ARHGEF26: variants seen among roughly 807,000 people sequenced by gnomAD.
The protein encoded by ARHGEF26 is Rho guanine nucleotide exchange factor 26.
A neutral mutation model predicts 89.4 loss-of-function variants in ARHGEF26; 59 were observed. The ratio of observed to expected loss-of-function variants is 0.66; its 90% CI spans 0.54 to 0.82. The LOEUF (loss-of-function observed/expected upper bound fraction) is 0.82, where lower values mean the gene tolerates loss of function less well. Ranked by LOEUF, ARHGEF26 falls within the 40% of genes least tolerant of loss-of-function variation. The pLI is 0.00. For missense variants in ARHGEF26, 1,234 were observed against 1,085.6 expected, an observed-to-expected ratio of 1.14 and a Z score of -1.92; for synonymous variants, 500 against 428.4, an observed-to-expected ratio of 1.17 and a Z score of -2.06.
chr3:154,257,137 T>A lies in ARHGEF26; in HGVS notation c.*1664T>A, dbSNP rs960913888. 6 of 810,854 alleles carry A rather than the reference T, an allele frequency of 7.4e-6. No homozygotes were observed. The East Asian group carries it at 1.8e-4, about 24-fold the overall frequency. The allele number at this position is 810,854 out of a possible 1,614,324, so 50.2% of individuals were successfully genotyped here. On this transcript the variant is annotated 3_prime_UTR_variant, in exon 15 of 15. Coordinates refer to ENST00000465093, the MANE Select transcript of ARHGEF26 (RefSeq NM_015595.4). ...GTAAGTGTGCCTGGCTCACACAGCC[T>A]GCACCCTGTCACCTCGGCAATGAGC... is the stretch of plus-strand genomic sequence containing the variant.
chr3:154,137,074 T>A (rs1341541796), intron 4 of ARHGEF26, among the ~76,000 whole-genome samples: 1 of 152,150 alleles, frequency 6.6e-6, no homozygotes, highest in Non-Finnish European at 1.5e-5. Flanking sequence ...GATCCATGGT[T>A]TGGATATTTT....
At chr3:154,121,858 G>A in intron 1 of ARHGEF26, 84 bp from the exon 2 acceptor site, 1 of 1,252,206 alleles carries the variant, frequency 8.0e-7, no homozygotes, top group East Asian at 2.5e-5. Context: ...AGCAGCAGGG[G>A]GACCGCCGGT....
chr3:154,203,847 T>C (rs1444675229), intron 9 of ARHGEF26, among the ~76,000 whole-genome samples: 2 of 151,538 alleles, frequency 1.3e-5, no homozygotes, highest in Admixed American at 6.6e-5. Flanking sequence ...CATGATAATC[T>C]CTCTTTTTTT....
intron 6 of ARHGEF26, among the ~76,000 whole-genome samples, chr3:154,181,540 TC>T (rs1713183957): frequency 1.3e-5 from 2 of 152,158 alleles, no homozygotes; most frequent in Admixed American, 1.3e-4. Context: ...TAACCAGAGC[TC>T]CTTTTTTTCT....
intron 9 of ARHGEF26, among the ~76,000 whole-genome samples, chr3:154,214,638 A>G (rs1321172074): frequency 1.3e-5 from 2 of 152,088 alleles, no homozygotes; most frequent in African/African-American, 4.8e-5. Context: ...TGCCGTGTAG[A>G]TAGTTGGATC....
At chr3:154,187,166 A>C in intron 6 of ARHGEF26, 1 of 953,982 alleles carries the variant, frequency 1.0e-6, no homozygotes, top group Non-Finnish European at 1.2e-6. Flanking sequence ...CTGGGATTAC[A>C]CATGTGAGCC....
chr3:154,143,035 A>G (rs1455684773), intron 4 of ARHGEF26, among the ~76,000 whole-genome samples: 2 of 152,276 alleles, frequency 1.3e-5, no homozygotes, highest in East Asian at 3.9e-4. Context: ...TATTATTGGC[A>G]CCTTTAAACA....
At chr3:154,170,207 C>T (rs1712335909) in intron 6 of ARHGEF26, among the ~76,000 whole-genome samples, 1 of 151,910 alleles carries the variant, frequency 6.6e-6, no homozygotes, top group Admixed American at 6.6e-5. Flanking sequence ...ACAAAAAATA[C>T]AAAAATTAAC....
At chr3:154,132,307 A>C (rs896264742) in intron 4 of ARHGEF26, among the ~76,000 whole-genome samples, 2 of 152,060 alleles carry the variant, frequency 1.3e-5, no homozygotes, top group African/African-American at 4.8e-5. Context: ...TATTTGCTTC[A>C]TTTTCTATTT....
chr3:154,164,697 G>A (rs1254290229), intron 6 of ARHGEF26, among the ~76,000 whole-genome samples: 1 of 152,096 alleles, frequency 6.6e-6, no homozygotes, highest in Non-Finnish European at 1.5e-5. Context: ...GGGCACAATA[G>A]GAATGTTTGT....
In ARHGEF26 at chr3:154,248,879, CTT is replaced by C. The variant is rs549290169; in HGVS notation, c.2301-4231_2301-4230del. 1.7e-4 allele frequency among the ~76,000 whole-genome samples: 26 copies of C among 152,158 alleles called. No homozygotes were observed. The South Asian group carries it at 2.9e-3, about 17-fold the overall frequency. The stretch of plus-strand genomic sequence containing the variant: ...GGCCTGGTCTCAGCATTTTTAATGA[CTT>C]TTTTTCACGCTATGGGGCTTTCTTT... On this transcript the variant is annotated intron_variant, in intron 12 of 14. Coordinates refer to ENST00000465093, the MANE Select transcript of ARHGEF26 (RefSeq NM_015595.4).
chr3:154,136,921 T>C (rs1235294925), intron 4 of ARHGEF26, among the ~76,000 whole-genome samples: 1 of 152,238 alleles, frequency 6.6e-6, no homozygotes, highest in Non-Finnish European at 1.5e-5. Context: ...TCACTTTTTA[T>C]AACTGGCTCA....
intron 2 of ARHGEF26, among the ~76,000 whole-genome samples, chr3:154,123,743 C>A (rs951135041): frequency 6.6e-5 from 10 of 152,274 alleles, no homozygotes; most frequent in African/African-American, 2.4e-4. Flanking sequence ...AGATTGGCAG[C>A]TGAAAACTTA....
chr3:154,219,935 AC>A (rs1406864762), intron 10 of ARHGEF26, among the ~76,000 whole-genome samples: 2 of 24,378 alleles, frequency 8.2e-5, no homozygotes, highest in African/African-American at 3.6e-4. Context: ...AAAACAAAAA[AC>A]AAACAAAAAA....
intron 3 of ARHGEF26, among the ~76,000 whole-genome samples, chr3:154,127,689 G>A (rs1718416442): frequency 6.7e-6 from 1 of 149,164 alleles, no homozygotes; most frequent in Non-Finnish European, 1.5e-5. Context: ...CAGTAACATA[G>A]TTTATTATCA....
intron 6 of ARHGEF26, among the ~76,000 whole-genome samples, chr3:154,155,022 C>T (rs567256069): frequency 6.6e-6 from 1 of 152,078 alleles, no homozygotes; most frequent in Admixed American, 6.5e-5. Context: ...TACCATTTTG[C>T]AGTACCACCA....
intron 6 of ARHGEF26, among the ~76,000 whole-genome samples, chr3:154,182,458 G>A (rs1348552184): frequency 6.6e-6 from 1 of 152,124 alleles, no homozygotes; most frequent in Non-Finnish European, 1.5e-5. Context: ...CACATTGCTG[G>A]CTGTGATTTT....
intron 6 of ARHGEF26, among the ~76,000 whole-genome samples, chr3:154,184,268 G>A (rs901435781): frequency 7.2e-5 from 11 of 152,100 alleles, no homozygotes; most frequent in African/African-American, 2.2e-4. Context: ...CACCGTGCCC[G>A]GCCTTTCAAT....
At chr3:154,128,690 G>C (rs956008353) in intron 3 of ARHGEF26, among the ~76,000 whole-genome samples, 1 of 152,106 alleles carries the variant, frequency 6.6e-6, no homozygotes, top group Non-Finnish European at 1.5e-5. Context: ...TGCTGTTTGG[G>C]CACTAGTTCT....
Sources: gnomAD v4.1 joint callset for allele counts (sites outside exome capture counted in the v4.1 genomes callset) on GRCh38, gnomAD v4.1.1 for gene constraint, MANE v1.5 for transcripts, NCBI Gene and HGNC (gene_info 2026-07-23, HGNC 2026-07-21) for gene names.